ZNF407: variants seen among roughly 807,000 people sequenced by gnomAD.
The protein encoded by ZNF407 is zinc finger protein 407.
In ZNF407, 17 loss-of-function variants were observed where a neutral mutation model predicts 131.2. The observed-to-expected ratio is 0.13, with a 90% confidence interval of 0.09 to 0.19. ZNF407 has a LOEUF of 0.19. Ranked by LOEUF, ZNF407 falls within the 10% of genes least tolerant of loss-of-function variation. The pLI is 1.00. For synonymous variants in ZNF407, 1,156 were observed against 1,062.0 expected, an observed-to-expected ratio of 1.09 and a Z score of -1.72; for missense variants, 2,681 against 2,830.6, an observed-to-expected ratio of 0.95 and a Z score of 1.20.
intron 1 of ZNF407, among the ~76,000 whole-genome samples, chr18:74,612,804 A>C (rs537828347): frequency 2.5e-4 from 38 of 152,312 alleles, no homozygotes; most frequent in Non-Finnish European, 4.6e-4. Context: ...GAGATCAGGC[A>C]CAGAAGGGAG....
chr18:75,028,055 A>C (rs1407957260), intron 8 of ZNF407, among the ~76,000 whole-genome samples: 1 of 152,182 alleles, frequency 6.6e-6, no homozygotes, highest in African/African-American at 2.4e-5. Context: ...CAGTCCTGGA[A>C]GATTCCAATT....
At chr18:74,673,814 C>T (rs982264072) in intron 3 of ZNF407, among the ~76,000 whole-genome samples, 1 of 152,154 alleles carries the variant, frequency 6.6e-6, no homozygotes, top group African/African-American at 2.4e-5. Context: ...ACCTTTGTAT[C>T]TATGATTCAT....
At chr18:74,816,054 T>C (rs528478980) in intron 4 of ZNF407, among the ~76,000 whole-genome samples, 5 of 152,312 alleles carry the variant, frequency 3.3e-5, no homozygotes, top group South Asian at 4.1e-4. Context: ...ATTATGCTCA[T>C]GAGTGTCCAA....
chr18:74,729,922 A>G (rs1488254943), intron 3 of ZNF407, among the ~76,000 whole-genome samples: 2 of 152,348 alleles, frequency 1.3e-5, no homozygotes, highest in Admixed American at 1.3e-4. Context: ...GTGATGCATT[A>G]TATAGTCAAT....
At chr18:75,000,808 A>G (rs1257015131) in intron 8 of ZNF407, among the ~76,000 whole-genome samples, 1 of 152,228 alleles carries the variant, frequency 6.6e-6, no homozygotes, top group East Asian at 1.9e-4. Context: ...TGGAATATAA[A>G]CTAGGATGAA....
intron 8 of ZNF407, among the ~76,000 whole-genome samples, chr18:75,023,780 T>C (rs1410772357): frequency 1.3e-5 from 2 of 152,240 alleles, no homozygotes; most frequent in Admixed American, 6.5e-5. Context: ...CCACATTCAA[T>C]AGAACCTACT....
At chr18:74,866,710 T>C (rs1971015642) in intron 4 of ZNF407, among the ~76,000 whole-genome samples, 1 of 150,676 alleles carries the variant, frequency 6.6e-6, no homozygotes, top group African/African-American at 2.4e-5. Flanking sequence ...AAAAATTATT[T>C]GTATGGAATT....
intron 8 of ZNF407, among the ~76,000 whole-genome samples, chr18:74,969,191 G>A (rs1175821804): frequency 6.6e-6 from 1 of 152,194 alleles, no homozygotes; most frequent in Non-Finnish European, 1.5e-5. Context: ...AATTTATGGT[G>A]AAAGCATTTT....
At chr18:75,034,009 A>G (rs2122227715) in intron 8 of ZNF407, among the ~76,000 whole-genome samples, 1 of 152,314 alleles carries the variant, frequency 6.6e-6, no homozygotes, top group African/African-American at 2.4e-5. Context: ...ATGACTAGTC[A>G]AGTCGTATTT....
intron 3 of ZNF407, among the ~76,000 whole-genome samples, chr18:74,764,622 G>A (rs891433956): frequency 6.6e-6 from 1 of 152,164 alleles, no homozygotes; most frequent in Non-Finnish European, 1.5e-5. Context: ...ATCTAGAGAT[G>A]ATCTAAAGTA....
chr18:74,825,246 G>A (rs1970394150), intron 4 of ZNF407, among the ~76,000 whole-genome samples: 1 of 152,112 alleles, frequency 6.6e-6, no homozygotes, highest in Admixed American at 6.6e-5. Flanking sequence ...TGCTGAATGG[G>A]CAAAAACTGG....
intron 8 of ZNF407, among the ~76,000 whole-genome samples, chr18:75,019,360 C>T (rs1973080086): frequency 6.6e-6 from 1 of 152,146 alleles, no homozygotes; most frequent in East Asian, 1.9e-4. Flanking sequence ...ATTCAGCTGG[C>T]AGTGCGACTT....
chr18:74,696,627 T>C (rs1373489521), intron 3 of ZNF407, among the ~76,000 whole-genome samples: 1 of 152,246 alleles, frequency 6.6e-6, no homozygotes, highest in African/African-American at 2.4e-5. Context: ...AATGTGTGTG[T>C]GTGTGTGTTT....
intron 3 of ZNF407, among the ~76,000 whole-genome samples, chr18:74,661,038 C>T (rs1985691579): frequency 6.6e-6 from 1 of 152,060 alleles, no homozygotes; most frequent in African/African-American, 2.4e-5. Context: ...CCAGTATCTA[C>T]GTAGTGAATT....
At chr18:74,763,560 G>T (rs1443118052) in intron 3 of ZNF407, among the ~76,000 whole-genome samples, 1 of 151,524 alleles carries the variant, frequency 6.6e-6, no homozygotes, top group Non-Finnish European at 1.5e-5. Context: ...ATGGTTTTAG[G>T]TATTATATTT....
chr18:75,019,470 A>G (rs1451670323), intron 8 of ZNF407, among the ~76,000 whole-genome samples: 1 of 152,130 alleles, frequency 6.6e-6, no homozygotes, highest in Non-Finnish European at 1.5e-5. Context: ...TAAATGGAAA[A>G]TTCCAGAAAC....
chr18:74,659,898 T>C (rs942886351), intron 3 of ZNF407, among the ~76,000 whole-genome samples: 7 of 152,156 alleles, frequency 4.6e-5, no homozygotes, highest in Non-Finnish European at 1.0e-4. Flanking sequence ...ATGACAAATA[T>C]ATTTCTATGC....
At chr18:74,975,751 G>A (rs1408516660) in intron 8 of ZNF407, among the ~76,000 whole-genome samples, 1 of 152,080 alleles carries the variant, frequency 6.6e-6, no homozygotes, top group Admixed American at 6.5e-5. Flanking sequence ...CTGCAAAAGG[G>A]GGTCTTTGGG....
chr18:74,705,790 G>A (rs1599084606), intron 3 of ZNF407, among the ~76,000 whole-genome samples: 2 of 152,114 alleles, frequency 1.3e-5, no homozygotes, highest in Non-Finnish European at 2.9e-5. Flanking sequence ...GTTAAATAAG[G>A]TCTTGGTGTG....
Sources: gnomAD v4.1 joint callset for allele counts (sites outside exome capture counted in the v4.1 genomes callset) on GRCh38, gnomAD v4.1.1 for gene constraint, MANE v1.5 for transcripts, NCBI Gene and HGNC (gene_info 2026-07-23, HGNC 2026-07-21) for gene names.